VPS13A: variants seen among roughly 807,000 people sequenced by gnomAD.
The protein encoded by VPS13A is vacuolar protein sorting 13 homolog A.
Under a neutral mutation model 390.9 loss-of-function variants are expected in VPS13A, and 264 were observed. That is an observed-to-expected ratio of 0.68 (90% confidence interval 0.61 to 0.75). VPS13A has a LOEUF of 0.75. Ranked by LOEUF, VPS13A falls within the 30% of genes least tolerant of loss-of-function variation. The pLI, the probability that VPS13A is intolerant of heterozygous loss-of-function variation, is 0.00. For missense variants in VPS13A, 3,409 were observed against 3,733.9 expected (o/e 0.91, Z 2.27); for synonymous variants, 1,231 against 1,227.1 (o/e 1.00, Z -0.07).
At chr9:77,380,605 C>A (rs183564517) in intron 67 of VPS13A, among the ~76,000 whole-genome samples, 105 of 152,320 alleles carry the variant, frequency 6.9e-4, no homozygotes, top group African/African-American at 2.5e-3. Context: ...CCACCACACC[C>A]GGCCCTATTC....
chr9:77,340,625 A>G, intron 50 of VPS13A, 75 bp downstream of exon 50: 1 of 1,572,820 alleles, frequency 6.4e-7, no homozygotes, highest in Admixed American at 1.7e-5. Context: ...TAAAGTCACC[A>G]TGTAATGTTT....
rs766957571 is a variant in VPS13A at position 77,370,535 on chromosome 9, G to T, written c.8864G>T (p.Gly2955Val). ...GAAGCCATGAATAAGCAACCAGCTG[G>T]TTTTAGAGAAGGCATCACTCGTGGA... ...RREAMNKQPAGFREGITRGGK... is the reference protein window; with the variant it reads ...RREAMNKQPAVFREGITRGGK... The change falls in exon 65 of 72, where the codon GGT (glycine) becomes GTT (valine). Residue 2955 changes from glycine to valine, a missense_variant. Gly to Val is a moderately radical substitution (Grantham distance 109). Transcript: ENST00000360280. 2 of 1,614,162 alleles carry T rather than the reference G, an allele frequency of 1.2e-6. No homozygotes were observed. Among genetic ancestry groups the T allele is most frequent in the Non-Finnish European group, 1.7e-6 (2 of 1,180,022 alleles).
chr9:77,357,573 T>A (rs1170868727), intron 55 of VPS13A, 119 bp from the exon 56 acceptor site: 2 of 1,045,730 alleles, frequency 1.9e-6, no homozygotes, highest in Non-Finnish European at 2.8e-6. Context: ...TATTAAGATC[T>A]AAATCTAAAC....
intron 23 of VPS13A, among the ~76,000 whole-genome samples, chr9:77,263,047 C>G (rs112447986): frequency 2.6e-4 from 39 of 152,272 alleles, no homozygotes; most frequent in African/African-American, 7.5e-4. Context: ...TACACTCCCA[C>G]CAGCAGTGTA....
At chr9:77,386,975 A>T (rs1833715377) in intron 68 of VPS13A, among the ~76,000 whole-genome samples, 1 of 152,044 alleles carries the variant, frequency 6.6e-6, no homozygotes, top group Non-Finnish European at 1.5e-5. Context: ...AGGTGCTGGG[A>T]TTACAGGCGT....
At chr9:77,340,110 T>G (rs1830734116) in intron 48 of VPS13A, 68 bp from the exon 49 acceptor site, 2 of 1,464,418 alleles carry the variant, frequency 1.4e-6, no homozygotes, top group South Asian at 2.3e-5. Context: ...AAAAAGTAAT[T>G]TATCAGTTTA....
intron 44 of VPS13A, 100 bp downstream of exon 44, chr9:77,321,846 G>C: frequency 5.9e-6 from 8 of 1,359,572 alleles, no homozygotes; most frequent in Non-Finnish European, 8.1e-6. Context: ...GGTTTTTTTT[G>C]TTTTTGTTTT....
rs368085427 is a variant in VPS13A, at chr9:77,208,485, CTA to C, written c.386-936_386-935del. On this transcript the variant is annotated intron_variant, in intron 5 of 71. Coordinates refer to ENST00000360280, the MANE Select transcript of VPS13A (RefSeq NM_033305.3). ...TTTAAGGGGAGAAAAAGGATAATAA[CTA>C]TGATTATCAAAGGCATATTTCAAAA... Among the ~76,000 whole-genome samples, 877 of 152,142 alleles carry C rather than the reference CTA, an allele frequency of 5.8e-3. 11 individuals are homozygous for C. Among genetic ancestry groups the C allele is most frequent in the African/African-American group, 0.02 (846 of 41,530 alleles).
intron 13 of VPS13A, among the ~76,000 whole-genome samples, chr9:77,225,651 T>A (rs562275547): frequency 1.3e-3 from 197 of 152,336 alleles, no homozygotes; most frequent in Admixed American, 5.6e-3. Context: ...TATTTTAATA[T>A]GTGTTTATAA....
At chr9:77,397,635 T>C (rs1009762742) in intron 68 of VPS13A, among the ~76,000 whole-genome samples, 4 of 152,340 alleles carry the variant, frequency 2.6e-5, no homozygotes, top group African/African-American at 9.6e-5. Flanking sequence ...TTACCATGGC[T>C]CTGTCCTTCA....
intron 23 of VPS13A, among the ~76,000 whole-genome samples, chr9:77,267,248 G>T (rs1258173424): frequency 6.6e-6 from 1 of 152,052 alleles, no homozygotes; most frequent in Non-Finnish European, 1.5e-5. Flanking sequence ...GAGGCATTCT[G>T]GTTTTTGGAA....
chr9:77,363,927 C>G (rs116188940), intron 59 of VPS13A, among the ~76,000 whole-genome samples: 2,330 of 152,270 alleles, frequency 0.015, 55 homozygotes, highest in African/African-American at 0.053. Context: ...TGACACCCTT[C>G]TATTTGAGTA....
chr9:77,370,192 C>T (rs1466779998), intron 63 of VPS13A, 65 bp from the exon 64 acceptor site: 22 of 1,565,626 alleles, frequency 1.4e-5, no homozygotes, highest in African/African-American at 4.1e-5. Context: ...CGTATATATC[C>T]GTAAGCTCAT....
At chr9:77,247,997 G>A (rs1824922705) in intron 20 of VPS13A, among the ~76,000 whole-genome samples, 1 of 149,102 alleles carries the variant, frequency 6.7e-6, no homozygotes, top group Non-Finnish European at 1.5e-5. Flanking sequence ...TGAGAGTTGT[G>A]CTTGAGAAGC....
chr9:77,392,840 T>C (rs1042635721), intron 68 of VPS13A, among the ~76,000 whole-genome samples: 6 of 149,932 alleles, frequency 4.0e-5, no homozygotes, highest in Admixed American at 4.0e-4. Flanking sequence ...ATCCTGATCA[T>C]CTGAAGCCTT....
rs776724808 is a variant in VPS13A, at chr9:77,206,329, T to TATATATA, written c.385+250_385+251insATATATA. Reference sequence around the variant, plus strand: ...TATTATTATTAGGTTTACATATTTTTTATATATATATATATACACACACAC... The same window carrying TATATATA: ...TATTATTATTAGGTTTACATATTTTTATATATATATATATATATATATACACACACAC... On this transcript the variant is annotated intron_variant, in intron 5 of 71. Transcript: ENST00000360280. Among the ~76,000 whole-genome samples, 5,094 of 146,426 alleles carry TATATATA rather than the reference T, an allele frequency of 0.035. 159 individuals carry two copies. The highest frequency in any genetic ancestry group is 0.081 in the Admixed American group (1,168 of 14,448).
In VPS13A at chr9:77,293,348, A is replaced by G; in HGVS notation, c.3347A>G (p.Tyr1116Cys). ...DITAIYKKAV[Y>C]ITGKEVFSFK... is the part of the protein sequence containing the mutation. ...AAATTTTCTCTTATTAAGGCTGTTTATATCACTGGAAAAGAAGTTTTCAGC... is the reference window on the plus strand; with the variant it reads ...AAATTTTCTCTTATTAAGGCTGTTTGTATCACTGGAAAAGAAGTTTTCAGC... The change falls in exon 32 of 72, where the codon TAT becomes TGT. Residue 1116 changes from tyrosine (Y) to cysteine (C), a missense_variant. Tyr to Cys is a radical substitution (Grantham distance 194). Around this residue, in one of 5 missense-constraint regions of VPS13A, gnomAD observed 2,717 missense variants for 2,917.4 expected, o/e 0.93. Transcript: ENST00000360280. 4 of 1,611,736 alleles carry G rather than the reference A, an allele frequency of 2.5e-6. No homozygotes were observed. The highest frequency in any genetic ancestry group is 3.4e-6 in the Non-Finnish European group (4 of 1,178,680).
At position 77,339,484 on chromosome 9, in the gene VPS13A, A is replaced by AT. The variant is rs200451091; in HGVS notation, c.6379-28dup. ...GGCATATTATTCTGCAACATTTTAAATTTTGTTTTGTTTTTTTTTTTTTTA... is the reference window on the plus strand; with the variant it reads ...GGCATATTATTCTGCAACATTTTAAATTTTTGTTTTGTTTTTTTTTTTTTTA... On this transcript the variant is annotated intron_variant, in intron 47 of 71. Coordinates refer to ENST00000360280, the MANE Select transcript of VPS13A (RefSeq NM_033305.3). 11,598 of 1,391,516 alleles carry AT rather than the reference A, an allele frequency of 8.3e-3. 109 individuals carry two copies. Among genetic ancestry groups the AT allele is most frequent in the African/African-American group, 0.028 (1,812 of 65,462 alleles). 86.2% of individuals were successfully genotyped at this position (1,391,516 alleles called of 1,614,324 possible). A position where few individuals can be genotyped will look rare whatever the true frequency, so the allele number is the denominator to read the frequency against.
chr9:77,285,842 C>T (rs952554746), intron 31 of VPS13A, among the ~76,000 whole-genome samples: 6 of 152,284 alleles, frequency 3.9e-5, no homozygotes, highest in African/African-American at 1.2e-4. Flanking sequence ...CCACTTAAGT[C>T]TGTTATAGTT....
Sources: allele counts gnomAD v4.1 joint callset (sites outside exome capture counted in the v4.1 genomes callset), GRCh38; gene constraint gnomAD v4.1.1; regional missense constraint gnomAD v4.1.1; transcripts MANE v1.5; gene names NCBI Gene and HGNC (gene_info 2026-07-23, HGNC 2026-07-21).